Variants in ADAMTS3 observed in about 807,000 individuals in gnomAD.
ADAMTS3 encodes A disintegrin and metalloproteinase with thrombospondin motifs 3.
A neutral mutation model predicts 129.0 loss-of-function variants in ADAMTS3; 73 were observed. The ratio of observed to expected loss-of-function variants is 0.57; its 90% confidence interval spans 0.47 to 0.69. The LOEUF (loss-of-function observed/expected upper bound fraction) is 0.69. Among genes scored for constraint, ADAMTS3 ranks in the 30% least tolerant of loss-of-function variants. The pLI, the probability that ADAMTS3 is intolerant of heterozygous loss-of-function variation, is 0.00. For synonymous variants in ADAMTS3, 477 were observed against 510.8 expected, an observed-to-expected ratio of 0.93 and a Z score of 0.89; for missense variants, 1,457 against 1,514.5, an observed-to-expected ratio of 0.96 and a Z score of 0.63.
chr4:72,360,202 G>T (rs1201851585), intron 4 of ADAMTS3, among the ~76,000 whole-genome samples: 1 of 151,990 alleles, frequency 6.6e-6, no homozygotes. Flanking sequence ...ATCTTAGAAC[G>T]ATGCCTTTTA....
intron 3 of ADAMTS3, among the ~76,000 whole-genome samples, chr4:72,422,674 A>C (rs1722476263): frequency 6.6e-6 from 1 of 152,142 alleles, no homozygotes; most frequent in Admixed American, 6.5e-5. Flanking sequence ...TCAGATGATG[A>C]AAACAGCGAT....
At position 72,480,108 on chromosome 4, in the gene ADAMTS3, G is replaced by T. The variant is rs370576884; in HGVS notation, c.505-65137C>A. The stretch of plus-strand genomic sequence containing the variant: ...TTACACTGTTGGTGGGACTGTAAAC[G>T]AGTTCAACCATTGTGGAAGTCAGTG... On this transcript the variant is annotated intron_variant, in intron 3 of 21. Coordinates refer to ENST00000286657, the MANE Select transcript of ADAMTS3 (RefSeq NM_014243.3). Among the ~76,000 whole-genome samples, 632 of 152,198 alleles carry T rather than the reference G, an allele frequency of 4.2e-3. 4 individuals are homozygous for T. The highest frequency in any genetic ancestry group is 0.014 in the African/African-American group (582 of 41,514).
intron 3 of ADAMTS3, among the ~76,000 whole-genome samples, chr4:72,479,045 G>C (rs1211665635): frequency 6.6e-6 from 1 of 152,088 alleles, no homozygotes; most frequent in African/African-American, 2.4e-5. Context: ...AATAAAAGAG[G>C]ATACAAACAA....
intron 3 of ADAMTS3, among the ~76,000 whole-genome samples, chr4:72,516,268 C>T (rs542605783): frequency 5.0e-4 from 76 of 152,196 alleles, no homozygotes; most frequent in African/African-American, 1.7e-3. Context: ...AGTCAGGTAG[C>T]GTGATGCCTC....
chr4:72,412,175 A>G (rs6824968), intron 4 of ADAMTS3, among the ~76,000 whole-genome samples: 5,249 of 152,180 alleles, frequency 0.034, 304 homozygotes, highest in African/African-American at 0.12. Flanking sequence ...AAATGTATGG[A>G]GACCATGGTT....
At chr4:72,295,906 T>C in intron 18 of ADAMTS3, 120 bp from the exon 19 acceptor site, 1 of 1,261,818 alleles carries the variant, frequency 7.9e-7, no homozygotes, top group East Asian at 2.4e-5. Context: ...ATTGAGTGCA[T>C]ACAAACCGGC....
At chr4:72,538,650 G>C (rs565677257) in intron 3 of ADAMTS3, among the ~76,000 whole-genome samples, 1 of 152,088 alleles carries the variant, frequency 6.6e-6, no homozygotes, top group South Asian at 2.1e-4. Flanking sequence ...GGCAGAAGTT[G>C]AAAAACCCAT....
chr4:72,539,430 T>A (rs1315711259), intron 3 of ADAMTS3, among the ~76,000 whole-genome samples: 2 of 137,428 alleles, frequency 1.5e-5, no homozygotes, highest in East Asian at 4.2e-4. Flanking sequence ...ATTAGGGAAA[T>A]GCATCTCAAA....
chr4:72,316,253 T>C (rs1423411278), intron 10 of ADAMTS3, among the ~76,000 whole-genome samples: 2 of 152,242 alleles, frequency 1.3e-5, no homozygotes, highest in African/African-American at 4.8e-5. Context: ...GTTTTTCAAA[T>C]AGACAATGTT....
intron 3 of ADAMTS3, among the ~76,000 whole-genome samples, chr4:72,455,997 T>TGTATTTTATATAGTATATATACTATATA (rs1560522289): frequency 2.1e-5 from 1 of 47,490 alleles, no homozygotes; most frequent in African/African-American, 7.5e-5. Context: ...ACTATATATA[T>TGTATTTTATATAGTATATATACTATATA]TTTACATATA....
chr4:72,523,990 TG>T (rs1720742210), intron 3 of ADAMTS3, among the ~76,000 whole-genome samples: 1 of 152,200 alleles, frequency 6.6e-6, no homozygotes, highest in Non-Finnish European at 1.5e-5. Flanking sequence ...ACTAAAACTA[TG>T]TAACCTAATG....
intron 3 of ADAMTS3, among the ~76,000 whole-genome samples, chr4:72,539,643 T>G (rs920843935): frequency 2.0e-5 from 3 of 152,210 alleles, no homozygotes; most frequent in African/African-American, 7.2e-5. Context: ...TCTTGAACTG[T>G]AATTCCTACA....
intron 3 of ADAMTS3, among the ~76,000 whole-genome samples, chr4:72,484,020 AAAAG>A (rs1359449535): frequency 6.6e-6 from 1 of 152,180 alleles, no homozygotes; most frequent in East Asian, 1.9e-4. Context: ...TCCGTCTCAA[AAAAG>A]AAAGAAAGAA....
chr4:72,549,133 A>G (rs1721546896), intron 2 of ADAMTS3, among the ~76,000 whole-genome samples: 1 of 152,224 alleles, frequency 6.6e-6, no homozygotes, highest in Non-Finnish European at 1.5e-5. Context: ...AAATATTTAC[A>G]TCTCATTAAT....
intron 3 of ADAMTS3, among the ~76,000 whole-genome samples, chr4:72,545,194 A>G: frequency 6.6e-6 from 1 of 152,196 alleles, no homozygotes; most frequent in East Asian, 1.9e-4. Context: ...AAAAATGAAA[A>G]AGGCTTGACA....
intron 4 of ADAMTS3, among the ~76,000 whole-genome samples, chr4:72,392,786 T>A (rs958927721): frequency 3.9e-5 from 6 of 152,228 alleles, no homozygotes; most frequent in Non-Finnish European, 7.3e-5. Flanking sequence ...ACTTTATTTT[T>A]ACTCTAAGTT....
intron 4 of ADAMTS3, among the ~76,000 whole-genome samples, chr4:72,397,733 G>A (rs1721763027): frequency 6.6e-6 from 1 of 152,150 alleles, no homozygotes; most frequent in African/African-American, 2.4e-5. Context: ...ACACACAGAA[G>A]TTTAGTTTTA....
At chr4:72,451,709 A>G (rs1316612290) in intron 3 of ADAMTS3, among the ~76,000 whole-genome samples, 1 of 151,878 alleles carries the variant, frequency 6.6e-6, no homozygotes, top group African/African-American at 2.4e-5. Context: ...AAGATTTTTC[A>G]TAAATTATAT....
intron 4 of ADAMTS3, among the ~76,000 whole-genome samples, chr4:72,371,327 C>T (rs185289421): frequency 6.6e-6 from 1 of 151,690 alleles, no homozygotes; most frequent in African/African-American, 2.4e-5. Context: ...TGTCATGCTG[C>T]ATAAGAAGGT....
Sources: gnomAD v4.1 joint callset for allele counts (sites outside exome capture counted in the v4.1 genomes callset) on GRCh38, gnomAD v4.1.1 for gene constraint, MANE v1.5 for transcripts, NCBI Gene and HGNC (gene_info 2026-07-23, HGNC 2026-07-21) for gene names.